Variants in USP36 observed in about 807,000 individuals in gnomAD.
USP36 encodes the protein ubiquitin specific peptidase 36.
USP36 carries 59 observed loss-of-function variants against 111.5 expected under a neutral mutation model. The ratio of observed to expected loss-of-function variants is 0.53; its 90% CI spans 0.43 to 0.66. The LOEUF is 0.66. Among genes scored for constraint, USP36 ranks in the 30% least tolerant of loss-of-function variants. The probability of loss-of-function intolerance (pLI) is 0.00; values close to 1 mark genes in which losing one functional copy is unlikely to be tolerated. For missense variants in USP36, 1,488 were observed against 1,468.0 expected, an observed-to-expected ratio of 1.01 and a Z score of -0.22; for synonymous variants, 628 against 581.0, an observed-to-expected ratio of 1.08 and a Z score of -1.16.
rs755365426 is a variant in USP36 at position 78,812,899 on chromosome 17, GTTC to G, written c.1365_1367del (p.Lys455del). 9.9e-6 allele frequency: 16 copies of G among 1,613,654 alleles called. No homozygotes were observed. The Admixed American group carries it at 1.0e-4, about 10-fold the overall frequency. On this transcript the variant is annotated inframe_deletion, in exon 13 of 21. Transcript: ENST00000449938. ...GGGAGGAAATAATCCCATTGCCGATGTTCTTCTTGGAGTGATCTGGAATCACAC... is the reference window on the plus strand; with the variant it reads ...GGGAGGAAATAATCCCATTGCCGATGTTCTTGGAGTGATCTGGAATCACAC...
chr17:78,803,827 C>A lies in USP36; in HGVS notation c.2368G>T (p.Asp790Tyr), dbSNP rs765918116. The change falls in exon 16 of 21, where the codon GAC becomes TAC. Residue 790 changes from aspartate (D) to tyrosine (Y), a missense_variant. Asp to Tyr is a radical substitution (Grantham distance 160, BLOSUM62 -3). Coordinates refer to ENST00000449938, the MANE Select transcript of USP36 (RefSeq NM_001385174.1). This position sits in a 1 kb window ranked among gnomAD's most constrained non-coding sequence, Gnocchi z 4.6. ...AACTGGTGTGGAAGAGACACAAGGT[C>A]CTCGTTGACCTGAGGCAGCGCCGTC... ...ISTALPQVNE[D>Y]LVSLPHQLPE... 2 of 1,612,782 alleles carry A rather than the reference C, an allele frequency of 1.2e-6. No homozygotes were observed. Among genetic ancestry groups the A allele is most frequent in the South Asian group, 2.2e-5 (2 of 91,062 alleles).
intron 18 of USP36, 105 bp from the exon 19 acceptor site, chr17:78,799,128 C>CT: frequency 9.0e-7 from 1 of 1,116,078 alleles, no homozygotes; most frequent in Non-Finnish European, 1.3e-6. Flanking sequence ...AATTAGTCAA[C>CT]AATTTTGAGT....
intron 8 of USP36, 102 bp from the exon 9 acceptor site, chr17:78,820,114 A>G: frequency 8.0e-7 from 1 of 1,254,568 alleles, no homozygotes; most frequent in African/African-American, 1.5e-5. Context: ...GCAGCAAATC[A>G]CAGAACTTAG....
intron 13 of USP36, among the ~76,000 whole-genome samples, chr17:78,809,437 T>C (rs546119669): frequency 6.6e-6 from 1 of 152,218 alleles, no homozygotes; most frequent in Non-Finnish European, 1.5e-5. Flanking sequence ...ACACTAGAAC[T>C]TGCACCATGT....
At position 78,796,172 on chromosome 17, in the gene USP36, G is replaced by A. The variant is rs1567901357; in HGVS notation, c.*1728C>T. The A allele has an allele frequency of 6.6e-6, 1 of 152,226 alleles. No individual in the cohort carries two copies. Among genetic ancestry groups the A allele is most frequent in the Non-Finnish European group, 1.5e-5 (1 of 68,066 alleles). 9.4% of individuals were successfully genotyped at this position (152,226 alleles called of 1,614,324 possible). A position where few individuals can be genotyped will look rare whatever the true frequency, so the allele number is the denominator to read the frequency against. ...GAAGGGAAGAGACTGATTTGGAGGA[G>A]AGAAGGGAGAGAAAGGAACGAGATA... On this transcript the variant is annotated 3_prime_UTR_variant, in exon 21 of 21. Transcript: ENST00000449938.
rs768856388 is a variant in USP36, at chr17:78,835,296, C to A, written c.459G>T (p.Lys153Asn). The A allele has an allele frequency of 1.9e-6, 3 of 1,614,154 alleles. No homozygotes were observed. The highest frequency in any genetic ancestry group is 2.5e-6 in the Non-Finnish European group (3 of 1,180,032). ...CACACTCACAGCTGCGAGCATGCTC[C>A]TTGGAGAGCAGGTAGTTGGCTAGAG... ...TPPLANYLLS[K>N]EHARSCHQGS... Residue 153 changes from lysine to asparagine, a missense_variant, in exon 4 of 21, where the codon AAG (lysine) becomes AAT (asparagine). This residue lies in a region of USP36 where 219 missense variants were observed against 209.5 expected (regional missense o/e 1.05). Transcript: ENST00000449938.
Position 78,831,235 on chromosome 17 carries a change from A to G in USP36, c.476-2228T>C, listed in dbSNP as rs1278042363. Among the ~76,000 whole-genome samples, 185 of 146,096 alleles carry G rather than the reference A, an allele frequency of 1.3e-3. 9 individuals are homozygous for G. Among genetic ancestry groups the G allele is most frequent in the African/African-American group, 4.4e-3 (171 of 38,920 alleles). ...AGTGAAACTCCATCTCAAAAAAAAA[A>G]AAAAAAAAAAAAAAAAAAGGGACAA... On this transcript the variant is annotated intron_variant, in intron 4 of 20. Transcript: ENST00000449938.
At chr17:78,821,402 A>G (rs1378910284) in intron 7 of USP36, 1 of 52,846 alleles carries the variant, frequency 1.9e-5, no homozygotes, top group Non-Finnish European at 3.4e-5. Flanking sequence ...ATATATATAT[A>G]TATATATATA....
In USP36 at chr17:78,807,159, T is replaced by C. The variant is rs1376630155; in HGVS notation, c.1885A>G (p.Thr629Ala). 9.3e-6 allele frequency: 15 copies of C among 1,614,138 alleles called. No individual in the cohort carries two copies. The highest frequency in any genetic ancestry group is 1.7e-5 in the Admixed American group (1 of 60,016). ...AGATGGGCCGCTCCACTCCTGGGGGTCTGGGGGGCCTTGGTGGAGTCGCTG... is the reference window on the plus strand; with the variant it reads ...AGATGGGCCGCTCCACTCCTGGGGGCCTGGGGGGCCTTGGTGGAGTCGCTG... ...ASSDSTKAPQ[T>A]PRSGAAHLCD... The change falls in exon 14 of 21, where the codon ACC becomes GCC. Residue 629 changes from threonine (T) to alanine (A), a missense_variant. Coordinates refer to ENST00000449938, the MANE Select transcript of USP36 (RefSeq NM_001385174.1).
intron 7 of USP36, chr17:78,821,420 ATTTTTTTTTTTT>A (rs1187233966): frequency 5.8e-5 from 2 of 34,566 alleles, no homozygotes; most frequent in African/African-American, 3.2e-4. Flanking sequence ...ATATATATAT[ATTTTTTTTTTTT>A]TTTTTTTTTT....
intron 4 of USP36, among the ~76,000 whole-genome samples, chr17:78,834,038 C>T (rs1287758185): frequency 6.6e-6 from 1 of 152,008 alleles, no homozygotes. Context: ...CCTGAGGTCA[C>T]GAGTTCAAGA....
At position 78,799,911 on chromosome 17, in the gene USP36, C is replaced by T. The variant is rs1467876941; in HGVS notation, c.3023-143G>A. The T allele has an allele frequency of 6.5e-6, 3 of 458,738 alleles. No homozygotes were observed. In the African/African-American group the frequency reaches 8.8e-5, roughly 13 times the overall value. The allele number at this position is 458,738 out of a possible 1,614,324, so 28.4% of individuals were successfully genotyped here. ...TTTTTTTTTTTTTTTTTTTTAAAGACAGGGTCTCACTATGTTTCCTAGGTT... is the reference window on the plus strand; with the variant it reads ...TTTTTTTTTTTTTTTTTTTTAAAGATAGGGTCTCACTATGTTTCCTAGGTT... On this transcript the variant is annotated intron_variant, in intron 17 of 20. Transcript: ENST00000449938.
At chr17:78,834,997 G>GTGTATATATATATATA (rs968867639) in intron 4 of USP36, among the ~76,000 whole-genome samples, 4 of 141,392 alleles carry the variant, frequency 2.8e-5, no homozygotes, top group African/African-American at 1.1e-4. Context: ...AATAATATTT[G>GTGTATATATATATATA]TATATATATA....
chr17:78,790,321 C>T (rs1043006298), intron 3 of USP36, among the ~76,000 whole-genome samples: 1 of 151,986 alleles, frequency 6.6e-6, no homozygotes, highest in African/African-American at 2.4e-5. Flanking sequence ...GACAGAGTCT[C>T]ACTCTGTCAC....
rs1273372917 is a variant in USP36, at chr17:78,840,232, C to G, written c.-174+504G>C. On this transcript the variant is annotated intron_variant, in intron 1 of 20. Transcript: ENST00000449938. ...GCGGCCGCCACTCCAGCCCCAGGCCCAGGACCCCCACGCCACCCGCCAGAA... is the reference window on the plus strand; with the variant it reads ...GCGGCCGCCACTCCAGCCCCAGGCCGAGGACCCCCACGCCACCCGCCAGAA... The G allele has an allele frequency of 2.0e-5, 3 of 152,456 alleles. No individual in the cohort carries two copies. The East Asian group carries it at 5.8e-4, about 29-fold the overall frequency. 9.4% of individuals were successfully genotyped at this position (152,456 alleles called of 1,614,324 possible).
intron 18 of USP36, 136 bp downstream of exon 18, chr17:78,799,531 A>C: frequency 5.5e-5 from 40 of 722,900 alleles, no homozygotes; most frequent in Non-Finnish European, 8.4e-5. Context: ...CAGTGTTGAG[A>C]TTCCTCTTCC....
At chr17:78,821,091 TG>T (rs768372537) in intron 7 of USP36, 30 bp from the exon 8 acceptor site, 3 of 1,576,152 alleles carry the variant, frequency 1.9e-6, no homozygotes, top group East Asian at 2.3e-5. Flanking sequence ...GTGGAGCAGG[TG>T]GGGCCTGGCA....
chr17:78,811,872 A>G (rs1227095856), intron 13 of USP36, among the ~76,000 whole-genome samples: 5 of 138,734 alleles, frequency 3.6e-5, no homozygotes, highest in Admixed American at 7.0e-5. Flanking sequence ...CGTCTCAAAG[A>G]AAAAAAAAAA....
intron 6 of USP36, among the ~76,000 whole-genome samples, chr17:78,822,820 G>A (rs1049052879): frequency 2.6e-5 from 4 of 152,264 alleles, no homozygotes; most frequent in African/African-American, 9.6e-5. Flanking sequence ...CCTCAGAGTC[G>A]CCTAAGGCCT....
Sources: allele counts gnomAD v4.1 joint callset (sites outside exome capture counted in the v4.1 genomes callset), GRCh38; gene constraint gnomAD v4.1.1; regional missense constraint gnomAD v4.1.1; non-coding constraint Gnocchi (gnomAD v3.1); transcripts MANE v1.5; gene names NCBI Gene and HGNC (gene_info 2026-07-23, HGNC 2026-07-21).